C8orf34: variants seen among roughly 807,000 people sequenced by gnomAD.
C8orf34 encodes the protein uncharacterized protein C8orf34.
Under a neutral mutation model 68.3 loss-of-function variants are expected in C8orf34, and 65 were observed. The observed-to-expected ratio is 0.95, with a 90% CI of 0.78 to 1.17. The LOEUF is 1.17. Among genes scored for constraint, C8orf34 ranks in the 50% most tolerant of loss-of-function variants. The pLI is 0.00. For synonymous variants in C8orf34, 244 were observed against 241.2 expected, an observed-to-expected ratio of 1.01 and a Z score of -0.11; for missense variants, 664 against 655.4, an observed-to-expected ratio of 1.01 and a Z score of -0.14.
intron 8 of C8orf34, among the ~76,000 whole-genome samples, chr8:68,698,850 C>T (rs956359949): frequency 1.3e-5 from 2 of 152,106 alleles, no homozygotes; most frequent in Admixed American, 6.6e-5. Flanking sequence ...AAATTCAATA[C>T]CCAGCAAGTT....
intron 1 of C8orf34, among the ~76,000 whole-genome samples, chr8:68,364,802 C>T (rs1311510240): frequency 1.3e-5 from 2 of 149,466 alleles, no homozygotes. Flanking sequence ...AGGAAAGATC[C>T]AAAATTGACA....
At position 68,340,498 on chromosome 8, in the gene C8orf34, A is replaced by G. The variant is rs116192073; in HGVS notation, c.327+9159A>G. ...TCAATTCAAAAACAGGAATGAAATG[A>G]GAGATCACTATGGACTGCAGACATC... On this transcript the variant is annotated intron_variant, in intron 1 of 13. Coordinates refer to ENST00000518698, the MANE Select transcript of C8orf34 (RefSeq NM_052958.4). 7.9e-3 allele frequency among the ~76,000 whole-genome samples: 1,197 copies of G among 152,294 alleles called. 18 individuals carry two copies. The highest frequency in any genetic ancestry group is 0.026 in the African/African-American group (1,101 of 41,574).
intron 1 of C8orf34, among the ~76,000 whole-genome samples, chr8:68,413,178 A>T (rs1450006539): frequency 6.6e-6 from 1 of 152,218 alleles, no homozygotes; most frequent in African/African-American, 2.4e-5. Context: ...TTGCTCTTGC[A>T]GACCCCTGGA....
rs36094218 is a variant in C8orf34 at position 68,597,575 on chromosome 8, GGTGT to G, written c.1106-42777_1106-42774del. 3.8e-4 allele frequency among the ~76,000 whole-genome samples: 57 copies of G among 150,044 alleles called. 1 individual carries two copies. Among genetic ancestry groups the G allele is most frequent in the East Asian group, 1.2e-3 (6 of 5,004 alleles). On this transcript the variant is annotated intron_variant, in intron 7 of 13. Coordinates refer to ENST00000518698, the MANE Select transcript of C8orf34 (RefSeq NM_052958.4). ...GGTAATACATCTGCCACATTGTGGT[GGTGT>G]GTGTGTGTGTGTGTGTGTGTGTGCA... is the stretch of plus-strand genomic sequence containing the variant.
chr8:68,738,308 G>A (rs1822180050), intron 10 of C8orf34, among the ~76,000 whole-genome samples: 1 of 152,064 alleles, frequency 6.6e-6, no homozygotes, highest in African/African-American at 2.4e-5. Context: ...GCAGTGTTAA[G>A]AGGGAAATCA....
chr8:68,440,611 T>C (rs1810860067), intron 2 of C8orf34, among the ~76,000 whole-genome samples: 1 of 152,104 alleles, frequency 6.6e-6, no homozygotes, highest in South Asian at 2.1e-4. Flanking sequence ...TTGTCTTACT[T>C]TTTCTTGGCC....
At chr8:68,505,288 G>A (rs989457826) in intron 5 of C8orf34, among the ~76,000 whole-genome samples, 16 of 152,136 alleles carry the variant, frequency 1.1e-4, no homozygotes, top group African/African-American at 3.4e-4. Flanking sequence ...GACTAATTAT[G>A]TCGATAATGT....
At chr8:68,706,325 C>A (rs1389063174) in intron 8 of C8orf34, among the ~76,000 whole-genome samples, 1 of 152,066 alleles carries the variant, frequency 6.6e-6, no homozygotes, top group Non-Finnish European at 1.5e-5. Context: ...AGGGGACACT[C>A]CCTTATACCT....
chr8:68,777,076 C>T (rs1049580395), intron 11 of C8orf34, among the ~76,000 whole-genome samples: 5 of 152,194 alleles, frequency 3.3e-5, no homozygotes, highest in African/African-American at 9.7e-5. Context: ...GCCAGACCAC[C>T]GTGGCCACTA....
At position 68,476,945 on chromosome 8, in the gene C8orf34, A is replaced by G. The variant is rs1212351065; in HGVS notation, c.736+8125A>G. Reference sequence around the variant, plus strand: ...ACTTTAGTGGTCTGGGTTGTAATTCAGAGTTAGGGAGGGAGTATGATAATT... The same window carrying G: ...ACTTTAGTGGTCTGGGTTGTAATTCGGAGTTAGGGAGGGAGTATGATAATT... On this transcript the variant is annotated intron_variant, in intron 4 of 13. Coordinates refer to ENST00000518698, the MANE Select transcript of C8orf34 (RefSeq NM_052958.4). Among the ~76,000 whole-genome samples, 3 of 152,198 alleles carry G rather than the reference A, an allele frequency of 2.0e-5. No homozygotes were observed. The East Asian group carries it at 5.8e-4, about 29-fold the overall frequency.
chr8:68,718,640 T>C (rs1821544062), intron 9 of C8orf34, among the ~76,000 whole-genome samples: 1 of 152,228 alleles, frequency 6.6e-6, no homozygotes. Flanking sequence ...CACATTGAAC[T>C]TGGCTCGGGA....
At chr8:68,676,260 G>A (rs1052480712) in intron 8 of C8orf34, among the ~76,000 whole-genome samples, 2 of 152,036 alleles carry the variant, frequency 1.3e-5, no homozygotes, top group African/African-American at 4.8e-5. Context: ...CTTCAGCCAG[G>A]GAGGTTGAGT....
At chr8:68,630,945 ATTTTT>A (rs36031699) in intron 7 of C8orf34, among the ~76,000 whole-genome samples, 1 of 118,352 alleles carries the variant, frequency 8.4e-6, no homozygotes, top group Non-Finnish European at 1.7e-5. Context: ...ATGCCCAGCT[ATTTTT>A]TTTTTTTTTT....
chr8:68,777,786 G>A (rs985104637), intron 11 of C8orf34, among the ~76,000 whole-genome samples: 1 of 152,092 alleles, frequency 6.6e-6, no homozygotes, highest in Admixed American at 6.6e-5. Flanking sequence ...ATATAAAATA[G>A]GTAAAGAGAA....
chr8:68,621,124 T>C (rs994822138), intron 7 of C8orf34, among the ~76,000 whole-genome samples: 6 of 152,192 alleles, frequency 3.9e-5, no homozygotes, highest in Non-Finnish European at 8.8e-5. Flanking sequence ...CCAGAAGAAG[T>C]ACAAGATGTG....
At chr8:68,384,228 A>T (rs1808160649) in intron 1 of C8orf34, among the ~76,000 whole-genome samples, 1 of 152,216 alleles carries the variant, frequency 6.6e-6, no homozygotes, top group South Asian at 2.1e-4. Context: ...TCTCCTTTGA[A>T]GTTTCAATAG....
chr8:68,641,740 A>T (rs1324918838), intron 8 of C8orf34, among the ~76,000 whole-genome samples: 1 of 152,206 alleles, frequency 6.6e-6, no homozygotes, highest in African/African-American at 2.4e-5. Flanking sequence ...AGTTTATAAA[A>T]AATGTTTTTC....
intron 7 of C8orf34, among the ~76,000 whole-genome samples, chr8:68,619,185 G>T (rs1043261436): frequency 1.3e-5 from 2 of 152,168 alleles, no homozygotes; most frequent in Non-Finnish European, 2.9e-5. Context: ...AATTATCTGG[G>T]CATGGTGGCA....
At chr8:68,612,482 G>T (rs184125546) in intron 7 of C8orf34, among the ~76,000 whole-genome samples, 17 of 151,334 alleles carry the variant, frequency 1.1e-4, no homozygotes, top group African/African-American at 4.1e-4. Context: ...ATAATATCTT[G>T]CCCCGGCTCA....
Sources: allele counts gnomAD v4.1 joint callset (sites outside exome capture counted in the v4.1 genomes callset), GRCh38; gene constraint gnomAD v4.1.1; transcripts MANE v1.5; gene names NCBI Gene and HGNC (gene_info 2026-07-23, HGNC 2026-07-21).